Variants in TSPAN4 observed in about 807,000 individuals in gnomAD.
The protein encoded by TSPAN4 is tetraspanin 4, also known as tetraspanin-4.
Under a neutral mutation model 31.5 loss-of-function variants are expected in TSPAN4, and 38 were observed. The ratio of observed to expected loss-of-function variants is 1.21; its 90% CI spans 0.93 to 1.58. The LOEUF (loss-of-function observed/expected upper bound fraction) is 1.58, where lower values mean the gene tolerates loss of function less well. Among genes scored for constraint, TSPAN4 ranks in the 40% most tolerant of loss-of-function variants. The probability of loss-of-function intolerance (pLI) is 0.00; values close to 1 mark genes in which losing one functional copy is unlikely to be tolerated. For missense variants in TSPAN4, 330 were observed against 317.3 expected (o/e 1.04, Z -0.30); for synonymous variants, 186 against 144.6 (o/e 1.29, Z -2.06).
intron 1 of TSPAN4, chr11:844,708 G>GC (rs1176996099): frequency 3.4e-5 from 5 of 148,116 alleles, no homozygotes; most frequent in East Asian, 4.2e-4. Context: ...CTGGCTTCTG[G>GC]GGGGGGGGGT....
In TSPAN4 at chr11:864,522, C is replaced by A; in HGVS notation, c.330+11C>A. 1 of 1,611,470 alleles carries A rather than the reference C, an allele frequency of 6.2e-7. No individual in the cohort carries two copies. The highest frequency in any genetic ancestry group is 8.5e-7 in the Non-Finnish European group (1 of 1,179,870). ...GCCTACACGGACAAGGTACGGCTGC[C>A]TTGGCCGCAGGCCCAACTGCAGGGC... On this transcript the variant is annotated intron_variant, in intron 5 of 8. Coordinates refer to ENST00000397397, the MANE Select transcript of TSPAN4 (RefSeq NM_003271.5).
intron 3 of TSPAN4, among the ~76,000 whole-genome samples, chr11:851,418 T>C (rs1452510755): frequency 6.6e-6 from 1 of 152,172 alleles, no homozygotes; most frequent in Non-Finnish European, 1.5e-5. Context: ...TCCATCTGCA[T>C]AAGGTCCAGC....
At chr11:844,560 T>A (rs959604736) in intron 1 of TSPAN4, 2 of 143,184 alleles carry the variant, frequency 1.4e-5, no homozygotes, top group South Asian at 2.5e-4. Context: ...CTGAGGACCC[T>A]GGGGAGCCTG....
At chr11:850,758 T>G (rs1183326467) in intron 3 of TSPAN4, among the ~76,000 whole-genome samples, 3 of 152,246 alleles carry the variant, frequency 2.0e-5, no homozygotes, top group South Asian at 4.1e-4. Flanking sequence ...CCCCGGTGCC[T>G]CCTCTGCGCC....
intron 4 of TSPAN4, 149 bp from the exon 5 acceptor site, chr11:864,288 C>T (rs1287741484): frequency 2.1e-5 from 19 of 890,036 alleles, no homozygotes; most frequent in Admixed American, 4.1e-5. Flanking sequence ...GTGGGGGCGG[C>T]GTTCTGGGCT....
At chr11:849,309 T>C (rs1847490582) in intron 2 of TSPAN4, among the ~76,000 whole-genome samples, 2 of 152,066 alleles carry the variant, frequency 1.3e-5, no homozygotes, top group African/African-American at 4.8e-5. Flanking sequence ...ACCTGCTCCA[T>C]GCAGTGCAGG....
At chr11:853,813 C>A (rs1847889066) in intron 3 of TSPAN4, among the ~76,000 whole-genome samples, 1 of 152,198 alleles carries the variant, frequency 6.6e-6, no homozygotes, top group East Asian at 1.9e-4. Context: ...TTTGAGCCCT[C>A]CCTGCAGAGG....
chr11:858,211 A>T (rs995203045), intron 3 of TSPAN4: 8 of 152,486 alleles, frequency 5.2e-5, no homozygotes, highest in African/African-American at 1.7e-4. Flanking sequence ...GTTACGAGGG[A>T]CACCTCTCCA....
chr11:844,478 C>T (rs1371566608), intron 1 of TSPAN4: 1 of 152,340 alleles, frequency 6.6e-6, no homozygotes, highest in Non-Finnish European at 1.5e-5. Context: ...TGCATCTCCC[C>T]CGAGCCCCCA....
At chr11:850,183 T>A (rs893460704) in intron 2 of TSPAN4, 105 bp from the exon 3 acceptor site, 1 of 946,258 alleles carries the variant, frequency 1.1e-6, no homozygotes. Flanking sequence ...TTCTTCGGCC[T>A]GCACGCGAAC....
At chr11:866,423 G>C in intron 8 of TSPAN4, 139 bp from the exon 9 acceptor site, 2 of 712,136 alleles carry the variant, frequency 2.8e-6, no homozygotes. Flanking sequence ...CCACCAGGAA[G>C]CTGAAGGGCT....
At chr11:844,711 G>GA (rs1166932557) in intron 1 of TSPAN4, 1 of 152,060 alleles carries the variant, frequency 6.6e-6, no homozygotes, top group Admixed American at 6.6e-5. Flanking sequence ...GCTTCTGGGG[G>GA]GGGGGGTCTG....
chr11:849,856 A>G (rs1024556573), intron 2 of TSPAN4: 1 of 145,644 alleles, frequency 6.9e-6, no homozygotes, highest in African/African-American at 2.5e-5. Context: ...CGGGCCGGGC[A>G]GATGTTTGGG....
chr11:845,365 C>T (rs1306549046), intron 1 of TSPAN4, among the ~76,000 whole-genome samples: 2 of 151,832 alleles, frequency 1.3e-5, no homozygotes, highest in Non-Finnish European at 2.9e-5. Flanking sequence ...GCGTTGTGAG[C>T]AGTGGGGCCT....
intron 2 of TSPAN4, among the ~76,000 whole-genome samples, chr11:847,616 C>G (rs1050113132): frequency 6.6e-6 from 1 of 151,226 alleles, no homozygotes; most frequent in African/African-American, 2.4e-5. Context: ...CCCCCACCCC[C>G]CCCCAACCCC....
chr11:843,903 G>C (rs923375913), intron 1 of TSPAN4, among the ~76,000 whole-genome samples: 2 of 152,168 alleles, frequency 1.3e-5, no homozygotes, highest in Non-Finnish European at 2.9e-5. Context: ...AGGACGAAGG[G>C]TTTTCTGGGT....
At chr11:844,855 G>C (rs971404186) in intron 1 of TSPAN4, among the ~76,000 whole-genome samples, 2 of 152,152 alleles carry the variant, frequency 1.3e-5, no homozygotes, top group East Asian at 3.8e-4. Flanking sequence ...GATCACTTCA[G>C]GGCAAAGGAC....
intron 1 of TSPAN4, chr11:844,636 C>T (rs1287903761): frequency 7.2e-6 from 1 of 139,492 alleles, no homozygotes; most frequent in African/African-American, 2.7e-5. Context: ...GCACTGTGCC[C>T]GCCAGCAGGG....
intron 6 of TSPAN4, 29 bp from the exon 7 acceptor site, chr11:865,665 C>T: frequency 6.2e-7 from 1 of 1,612,628 alleles, no homozygotes; most frequent in African/African-American, 1.3e-5. Context: ...TCCCCTCCTG[C>T]CTCAGCCCGA....
Sources: gnomAD v4.1 joint callset for allele counts (sites outside exome capture counted in the v4.1 genomes callset) on GRCh38, gnomAD v4.1.1 for gene constraint, MANE v1.5 for transcripts, NCBI Gene and HGNC (gene_info 2026-07-23, HGNC 2026-07-21) for gene names.